The following FLT1 variants were observed in gnomAD, a reference collection of about 807,000 sequenced individuals.
FLT1 encodes fms related receptor tyrosine kinase 1.
Under a neutral mutation model 156.3 loss-of-function variants are expected in FLT1, and 49 were observed. The ratio of observed to expected loss-of-function variants is 0.31; its 90% CI spans 0.25 to 0.40. The LOEUF (loss-of-function observed/expected upper bound fraction) is 0.40, where lower values mean the gene tolerates loss of function less well. Among genes scored for constraint, FLT1 ranks in the 10% least tolerant of loss-of-function variants. The probability of loss-of-function intolerance (pLI) is 1.00; values close to 1 mark genes in which losing one functional copy is unlikely to be tolerated. For synonymous variants in FLT1, 594 were observed against 583.8 expected (o/e 1.02, Z -0.25); for missense variants, 1,322 against 1,637.2 (o/e 0.81, Z 3.32).
intron 3 of FLT1, among the ~76,000 whole-genome samples, chr13:28,459,269 T>G (rs1003481467): frequency 6.6e-6 from 1 of 152,104 alleles, no homozygotes; most frequent in African/African-American, 2.4e-5. Flanking sequence ...AGTAGGGATG[T>G]GAGAGGAAAA....
At chr13:28,323,352 C>A (rs1312236147) in intron 20 of FLT1, among the ~76,000 whole-genome samples, 3 of 152,098 alleles carry the variant, frequency 2.0e-5, no homozygotes, top group Non-Finnish European at 2.9e-5. Context: ...TCACATGCAG[C>A]TAATAAATAG....
In FLT1 at chr13:28,300,538, CA is replaced by C. The variant is rs1870470398; in HGVS notation, c.*2628del. ...ACATACACCCACACACACACACACA[CA>C]CACACACACACACACACATACAGTT... On this transcript the variant is annotated 3_prime_UTR_variant, in exon 30 of 30. Coordinates refer to ENST00000282397, the MANE Select transcript of FLT1 (RefSeq NM_002019.4). 1 of 232,694 alleles carries C rather than the reference CA, an allele frequency of 4.3e-6. No individual in the cohort carries two copies. Among genetic ancestry groups the C allele is most frequent in the Admixed American group, 5.6e-5 (1 of 17,740 alleles). 14.4% of individuals were successfully genotyped at this position (232,694 alleles called of 1,614,324 possible).
chr13:28,492,288 C>T (rs1269915015), intron 1 of FLT1, among the ~76,000 whole-genome samples: 7 of 152,026 alleles, frequency 4.6e-5, no homozygotes. Flanking sequence ...GTTAGCTGTT[C>T]AAGAACTCAA....
intron 13 of FLT1, chr13:28,388,520 CA>C (rs1474540946): frequency 9.6e-7 from 1 of 1,039,602 alleles, no homozygotes; most frequent in Non-Finnish European, 1.2e-6. Flanking sequence ...AACAACAGAA[CA>C]ATGCATATTA....
chr13:28,384,461 A>G (rs1346444287), intron 14 of FLT1, among the ~76,000 whole-genome samples: 1 of 151,726 alleles, frequency 6.6e-6, no homozygotes, highest in African/African-American at 2.4e-5. Context: ...AAAAAAAAAA[A>G]AAAAAAAGAA....
rs1435443239 is a variant in FLT1 at position 28,439,451 on chromosome 13, C to G, written c.389-1106G>C. On this transcript the variant is annotated intron_variant, in intron 3 of 29. Coordinates refer to ENST00000282397, the MANE Select transcript of FLT1 (RefSeq NM_002019.4). The surrounding 1 kb of genome is among the most constrained non-coding windows in gnomAD (Gnocchi z 4.1). ...AGAAGGAATTGGAGAGAAACAAAAG[C>G]AGTAAGCAGGCAATGGTTGCCCAGA... 6.6e-6 allele frequency among the ~76,000 whole-genome samples: 1 copy of G among 152,172 alleles called. No individual in the cohort carries two copies. The highest frequency in any genetic ancestry group is 1.9e-4 in the East Asian group (1 of 5,198).
At chr13:28,435,221 T>A (rs1244998054) in intron 4 of FLT1, among the ~76,000 whole-genome samples, 2 of 152,214 alleles carry the variant, frequency 1.3e-5, no homozygotes, top group Non-Finnish European at 2.9e-5. Flanking sequence ...ATGAATGAAG[T>A]GCTCTCTAAT....
chr13:28,428,673 G>T (rs1375674707), intron 8 of FLT1, among the ~76,000 whole-genome samples: 2 of 152,150 alleles, frequency 1.3e-5, no homozygotes, highest in Non-Finnish European at 2.9e-5. Flanking sequence ...AAATTTTCTA[G>T]AGGTTCTCAA....
rs200247014 is a variant in FLT1, at chr13:28,388,913, AGCTGTGTGGT to A, written c.1969+873_1969+882del. ...CCACTTTCTTTCAGCTGCCATCAAT[AGCTGTGTGGT>A]GCAGTCAGAGACAGCAAGGAGCAAA... On this transcript the variant is annotated intron_variant, in intron 13 of 29. Coordinates refer to ENST00000282397, the MANE Select transcript of FLT1 (RefSeq NM_002019.4). The A allele has an allele frequency of 3.2e-3, 3,430 of 1,064,660 alleles. 12 individuals carry two copies. The highest frequency in any genetic ancestry group is 3.3e-3 in the Non-Finnish European group (2,889 of 878,866). 66.0% of individuals were successfully genotyped at this position (1,064,660 alleles called of 1,614,324 possible).
intron 1 of FLT1, among the ~76,000 whole-genome samples, chr13:28,470,794 G>A (rs1264017257): frequency 2.0e-5 from 3 of 152,128 alleles, no homozygotes; most frequent in African/African-American, 4.8e-5. Context: ...GGGTTCAAGC[G>A]ATTCTCCTGC....
intron 14 of FLT1, among the ~76,000 whole-genome samples, chr13:28,371,408 C>G (rs1246870884): frequency 2.6e-5 from 4 of 152,150 alleles, no homozygotes; most frequent in Non-Finnish European, 5.9e-5. Flanking sequence ...CTCGCTGTCT[C>G]ACTCTGTCCC....
At chr13:28,482,812 C>T (rs1384516115) in intron 1 of FLT1, among the ~76,000 whole-genome samples, 1 of 152,224 alleles carries the variant, frequency 6.6e-6, no homozygotes, top group Non-Finnish European at 1.5e-5. Context: ...TGAAAATTCA[C>T]TCCTGTTAGT....
At chr13:28,316,675 G>C in intron 25 of FLT1, among the ~76,000 whole-genome samples, 1 of 140,230 alleles carries the variant, frequency 7.1e-6, no homozygotes, top group Admixed American at 7.6e-5. Context: ...ATCTCACTCT[G>C]TCACCCAGGT....
At chr13:28,376,273 G>A (rs184258804) in intron 14 of FLT1, among the ~76,000 whole-genome samples, 11 of 152,306 alleles carry the variant, frequency 7.2e-5, no homozygotes, top group African/African-American at 2.4e-4. Context: ...TTAAGAAGGA[G>A]TATTAATCAT....
chr13:28,443,063 C>T (rs1483053304), intron 3 of FLT1, among the ~76,000 whole-genome samples: 1 of 152,180 alleles, frequency 6.6e-6, no homozygotes, highest in Admixed American at 6.5e-5. Flanking sequence ...GTACTGGCAG[C>T]TCAGACACAC....
At chr13:28,349,450 A>ACACACACGCGCACACG (rs1555230605) in intron 15 of FLT1, among the ~76,000 whole-genome samples, 1 of 150,484 alleles carries the variant, frequency 6.6e-6, no homozygotes, top group Admixed American at 6.6e-5. Context: ...ACACACACAC[A>ACACACACGCGCACACG]CACACACACA....
intron 3 of FLT1, among the ~76,000 whole-genome samples, chr13:28,466,304 G>A (rs1179940306): frequency 6.6e-6 from 1 of 151,892 alleles, no homozygotes; most frequent in East Asian, 1.9e-4. Flanking sequence ...ATTTTTTTAC[G>A]AGTACCATAA....
intron 12 of FLT1, among the ~76,000 whole-genome samples, chr13:28,393,289 C>T (rs1481625212): frequency 6.6e-6 from 1 of 152,066 alleles, no homozygotes; most frequent in Admixed American, 6.6e-5. Flanking sequence ...TATTTCAACT[C>T]AATTGGATCA....
chr13:28,352,356 G>GC, intron 15 of FLT1, among the ~76,000 whole-genome samples: 2 of 152,276 alleles, frequency 1.3e-5, no homozygotes, highest in Middle Eastern at 6.8e-3. Flanking sequence ...TTCTATAAGC[G>GC]CAAGATATTA....
Sources: gnomAD v4.1 joint callset for allele counts (sites outside exome capture counted in the v4.1 genomes callset) on GRCh38, gnomAD v4.1.1 for gene constraint, Gnocchi (gnomAD v3.1) non-coding constraint, MANE v1.5 for transcripts, NCBI Gene and HGNC (gene_info 2026-07-23, HGNC 2026-07-21) for gene names.